The following CEP126 variants were observed in gnomAD, a reference collection of about 807,000 sequenced individuals.
CEP126 encodes centrosomal protein of 126 kDa.
CEP126 carries 74 observed loss-of-function variants against 107.8 expected under a neutral mutation model. The ratio of observed to expected loss-of-function variants is 0.69; its 90% CI spans 0.57 to 0.83. The LOEUF (loss-of-function observed/expected upper bound fraction) is 0.83, where lower values mean the gene tolerates loss of function less well. CEP126 is among the 40% of genes least tolerant of loss of function. The probability of loss-of-function intolerance (pLI) is 0.00; values close to 1 mark genes in which losing one functional copy is unlikely to be tolerated. For synonymous variants in CEP126, 449 were observed against 446.0 expected (o/e 1.01, Z -0.08); for missense variants, 1,237 against 1,281.9 (o/e 0.96, Z 0.53).
intron 2 of CEP126, among the ~76,000 whole-genome samples, chr11:101,926,809 T>A (rs1255579500): frequency 3.3e-5 from 5 of 152,260 alleles, no homozygotes; most frequent in Non-Finnish European, 5.9e-5. Context: ...TTCATATAGT[T>A]TATGATAAAA....
intron 4 of CEP126, among the ~76,000 whole-genome samples, chr11:101,949,597 A>G (rs1489084549): frequency 6.6e-6 from 1 of 152,202 alleles, no homozygotes; most frequent in Non-Finnish European, 1.5e-5. Context: ...TAGGACTAGG[A>G]GAGGTCAGTA....
Position 101,915,295 on chromosome 11 carries a change from G to A in CEP126, c.11G>A (p.Gly4Glu), listed in dbSNP as rs1940180055. 1.2e-6 allele frequency: 2 copies of A among 1,613,528 alleles called. No individual in the cohort carries two copies. Among genetic ancestry groups the A allele is most frequent in the Non-Finnish European group, 8.5e-7 (1 of 1,179,936 alleles). ...GCGCTGAAGTGAAGGATGCTGGCGG[G>A]GAGGCCCGGAACCCGGAGCGCGGTC... MLA[G>E]RPGTRSAVGE... Residue 4 changes from glycine (G) to glutamate (E), a missense_variant, in exon 1 of 11, where the codon GGG becomes GAG. Transcript: ENST00000263468.
intron 2 of CEP126, among the ~76,000 whole-genome samples, chr11:101,924,834 G>A (rs1940383590): frequency 2.0e-5 from 3 of 152,078 alleles, no homozygotes; most frequent in Admixed American, 2.0e-4. Context: ...CATTGTCAGT[G>A]TTATGTGTCC....
At chr11:101,929,974 CTTT>C (rs60650996) in intron 2 of CEP126, among the ~76,000 whole-genome samples, 8 of 118,646 alleles carry the variant, frequency 6.7e-5, no homozygotes, top group Admixed American at 8.6e-5. Context: ...TTAGTTAGGA[CTTT>C]TTTTTTTTTT....
chr11:101,968,206 A>G (rs1259242317), intron 6 of CEP126, among the ~76,000 whole-genome samples: 1 of 152,128 alleles, frequency 6.6e-6, no homozygotes. Flanking sequence ...AGGAAGAAAA[A>G]GTTTAAAATA....
chr11:101,965,462 A>T (rs1252513746), intron 6 of CEP126, among the ~76,000 whole-genome samples: 2 of 152,206 alleles, frequency 1.3e-5, no homozygotes, highest in East Asian at 3.8e-4. Flanking sequence ...TAGAAGCCAC[A>T]TTAGCAGAAG....
chr11:101,915,360 G>GC lies in CEP126; in HGVS notation c.82dup (p.Leu28ProfsTer46), dbSNP rs757955230. ...TGAATCATCGGACAACCTCGACAGA[G>GC]CCCCCCTCGGCCCTCGGGAGAGCGG... On this transcript the variant is annotated frameshift_variant, in exon 1 of 11. Transcript: ENST00000263468. LOFTEE classifies it high-confidence loss of function. 9 of 1,613,822 alleles carry GC rather than the reference G, an allele frequency of 5.6e-6. No individual in the cohort carries two copies. The highest frequency in any genetic ancestry group is 4.0e-5 in the African/African-American group (3 of 74,924).
intron 2 of CEP126, among the ~76,000 whole-genome samples, chr11:101,928,033 T>C (rs865835537): frequency 3.2e-4 from 48 of 152,292 alleles, no homozygotes; most frequent in Middle Eastern, 3.4e-3. Context: ...TAGCATTTGG[T>C]ATTGTCACTA....
chr11:101,986,911 C>T lies in CEP126; in HGVS notation c.3114C>T (p.Val1038=). 6.2e-7 allele frequency: 1 copy of T among 1,613,794 alleles called. No homozygotes were observed. Among genetic ancestry groups the T allele is most frequent in the Non-Finnish European group, 8.5e-7 (1 of 1,179,846 alleles). ...ASVPEDEILT[V]LNSKQIQKSN... is the part of the protein sequence containing the mutation. Reference sequence around the variant, plus strand: ...TGCCGGAGGATGAGATTCTGACTGTCTTGAATAGCAAACAGATACAGAAAT... The same window carrying T: ...TGCCGGAGGATGAGATTCTGACTGTTTTGAATAGCAAACAGATACAGAAAT... Residue 1038 remains valine, a synonymous_variant, in exon 9 of 11, where the codon GTC becomes GTT. Transcript: ENST00000263468.
intron 4 of CEP126, among the ~76,000 whole-genome samples, chr11:101,950,135 G>A (rs1417787664): frequency 1.3e-5 from 2 of 152,108 alleles, no homozygotes; most frequent in Non-Finnish European, 2.9e-5. Flanking sequence ...GAAACAATGG[G>A]TCCACTGTAT....
chr11:101,969,504 A>G (rs1591288299), intron 6 of CEP126, among the ~76,000 whole-genome samples: 1 of 152,226 alleles, frequency 6.6e-6, no homozygotes, highest in African/African-American at 2.4e-5. Flanking sequence ...GGGGGAAGAT[A>G]TGCCATGTTC....
intron 6 of CEP126, among the ~76,000 whole-genome samples, chr11:101,969,019 GTTTTA>G (rs796156601): frequency 6.6e-6 from 1 of 151,834 alleles, no homozygotes; most frequent in Non-Finnish European, 1.5e-5. Flanking sequence ...GACTTATTTT[GTTTTA>G]TTTTATTTTA....
intron 6 of CEP126, among the ~76,000 whole-genome samples, chr11:101,973,565 A>G (rs1264392918): frequency 6.6e-6 from 1 of 152,196 alleles, no homozygotes; most frequent in Non-Finnish European, 1.5e-5. Context: ...CCGGGGCTTA[A>G]TACCTAGGTG....
chr11:101,955,650 C>G (rs1940876033), intron 4 of CEP126: 5 of 338,402 alleles, frequency 1.5e-5, no homozygotes, highest in South Asian at 4.7e-5. Context: ...ACTGGTTGAT[C>G]AAAGGATGAT....
At chr11:101,946,886 A>G (rs1940744280) in intron 3 of CEP126, among the ~76,000 whole-genome samples, 1 of 152,208 alleles carries the variant, frequency 6.6e-6, no homozygotes, top group Non-Finnish European at 1.5e-5. Flanking sequence ...AGAGGCTAGA[A>G]GGAGAACAGT....
chr11:101,946,624 G>C (rs897504593), intron 3 of CEP126, among the ~76,000 whole-genome samples: 5 of 152,134 alleles, frequency 3.3e-5, no homozygotes, highest in African/African-American at 9.7e-5. Flanking sequence ...ACTTTGGGAG[G>C]CTGAGGCGGG....
chr11:101,929,199 C>T (rs1185856833), intron 2 of CEP126, among the ~76,000 whole-genome samples: 2 of 152,126 alleles, frequency 1.3e-5, no homozygotes, highest in African/African-American at 4.8e-5. Flanking sequence ...TTCTAACATT[C>T]CTGTCATCTT....
At chr11:101,922,539 A>G (rs1591267354) in intron 1 of CEP126, 102 bp from the exon 2 acceptor site, 6 of 884,402 alleles carry the variant, frequency 6.8e-6, no homozygotes, top group Non-Finnish European at 8.8e-6. Flanking sequence ...AAAAACTATC[A>G]TTACATCATT....
At chr11:101,943,037 G>T (rs769413852) in intron 2 of CEP126, among the ~76,000 whole-genome samples, 1 of 151,710 alleles carries the variant, frequency 6.6e-6, no homozygotes, top group Non-Finnish European at 1.5e-5. Flanking sequence ...ATAAGATTAT[G>T]TCATCTGGAC....
Sources: allele counts gnomAD v4.1 joint callset (sites outside exome capture counted in the v4.1 genomes callset), GRCh38; gene constraint gnomAD v4.1.1; transcripts MANE v1.5; gene names NCBI Gene and HGNC (gene_info 2026-07-23, HGNC 2026-07-21).